ADGRG7: variants seen among roughly 807,000 people sequenced by gnomAD.
ADGRG7 encodes the protein G-protein coupled receptor 128.
A neutral mutation model predicts 88.6 loss-of-function variants in ADGRG7; 82 were observed. The observed-to-expected ratio is 0.93, with a 90% CI of 0.77 to 1.11. The LOEUF (loss-of-function observed/expected upper bound fraction) is 1.11. ADGRG7 is among the 50% of genes most tolerant of loss of function. ADGRG7 has a pLI of 0.00. For missense variants in ADGRG7, 945 were observed against 953.4 expected (o/e 0.99, Z 0.12); for synonymous variants, 381 against 345.2 (o/e 1.10, Z -1.15).
At chr3:100,680,858 AG>A (rs1187742922) in intron 15 of ADGRG7, among the ~76,000 whole-genome samples, 1 of 152,176 alleles carries the variant, frequency 6.6e-6, no homozygotes, top group African/African-American at 2.4e-5. Flanking sequence ...AAATTAAGAG[AG>A]AAGAATTTTT....
At chr3:100,632,070 A>G (rs2149017771) in intron 3 of ADGRG7, among the ~76,000 whole-genome samples, 1 of 152,216 alleles carries the variant, frequency 6.6e-6, no homozygotes, top group African/African-American at 2.4e-5. Flanking sequence ...TCTTGATTTT[A>G]CATGTTTTGT....
chr3:100,665,097 C>T (rs1348343111), intron 14 of ADGRG7: 12 of 511,722 alleles, frequency 2.3e-5, no homozygotes, highest in South Asian at 1.7e-4. Flanking sequence ...TCAGTCAGTT[C>T]TTCCGTATTT....
intron 15 of ADGRG7, among the ~76,000 whole-genome samples, chr3:100,681,343 C>T (rs898850856): frequency 6.7e-6 from 1 of 149,822 alleles, no homozygotes; most frequent in Non-Finnish European, 1.5e-5. Flanking sequence ...CAGGGTCTCA[C>T]TCTGTCACCC....
At chr3:100,632,743 T>A (rs1229336295) in intron 3 of ADGRG7, among the ~76,000 whole-genome samples, 1 of 152,186 alleles carries the variant, frequency 6.6e-6, no homozygotes, top group East Asian at 1.9e-4. Context: ...GATTTTTTTC[T>A]ATAGCAACTA....
chr3:100,633,959 A>T (rs1707493919), intron 4 of ADGRG7, among the ~76,000 whole-genome samples: 1 of 152,186 alleles, frequency 6.6e-6, no homozygotes, highest in Admixed American at 6.5e-5. Context: ...CTGGATATAG[A>T]TCCCTGACAT....
chr3:100,658,557 T>G (rs1424720403), intron 13 of ADGRG7, among the ~76,000 whole-genome samples: 1 of 152,200 alleles, frequency 6.6e-6, no homozygotes, highest in Non-Finnish European at 1.5e-5. Flanking sequence ...AGCCTTTTTT[T>G]CTTTCTTAAG....
chr3:100,614,815 C>A (rs376586130), intron 1 of ADGRG7, among the ~76,000 whole-genome samples: 3 of 152,150 alleles, frequency 2.0e-5, no homozygotes, highest in East Asian at 3.9e-4. Flanking sequence ...TTTTATGCTA[C>A]TTTCTCAAGC....
chr3:100,680,510 C>A (rs538656465), intron 15 of ADGRG7, among the ~76,000 whole-genome samples: 2 of 151,934 alleles, frequency 1.3e-5, no homozygotes, highest in African/African-American at 4.8e-5. Flanking sequence ...TTTCTGTGGC[C>A]ATTCTATTTT....
chr3:100,652,330 A>G (rs899295525), intron 11 of ADGRG7, among the ~76,000 whole-genome samples: 1 of 152,200 alleles, frequency 6.6e-6, no homozygotes, highest in Non-Finnish European at 1.5e-5. Flanking sequence ...TCGTAAAAAC[A>G]TAAAGAATAC....
rs746200827 is a variant in ADGRG7, at chr3:100,659,861, T to C, written c.1979+18T>C. 7 of 1,611,318 alleles carry C rather than the reference T, an allele frequency of 4.3e-6. No individual in the cohort carries two copies. Among genetic ancestry groups the C allele is most frequent in the South Asian group, 2.2e-5 (2 of 90,532 alleles). On this transcript the variant is annotated intron_variant, in intron 14 of 15. Transcript: ENST00000273352. Reference sequence around the variant, plus strand: ...CTGACAAGGTAAGATTCCCAATGAATGGGAAGCTGCCAGGCAAGGCTCATC... The same window carrying C: ...CTGACAAGGTAAGATTCCCAATGAACGGGAAGCTGCCAGGCAAGGCTCATC...
At chr3:100,638,322 G>A (rs1707580617) in intron 6 of ADGRG7, among the ~76,000 whole-genome samples, 1 of 152,160 alleles carries the variant, frequency 6.6e-6, no homozygotes. Flanking sequence ...GAGGGGAGCT[G>A]GAAAGTGGGT....
chr3:100,634,366 G>A (rs1408799766), intron 4 of ADGRG7, among the ~76,000 whole-genome samples: 1 of 152,022 alleles, frequency 6.6e-6, no homozygotes, highest in Non-Finnish European at 1.5e-5. Flanking sequence ...ACTAATTGTT[G>A]AGCACCTACT....
chr3:100,621,089 T>C (rs1379541490), intron 1 of ADGRG7, among the ~76,000 whole-genome samples: 1 of 152,150 alleles, frequency 6.6e-6, no homozygotes, highest in Non-Finnish European at 1.5e-5. Context: ...ACATAATCAA[T>C]AAATGTTGTA....
intron 15 of ADGRG7, among the ~76,000 whole-genome samples, chr3:100,672,105 A>G (rs2094959531): frequency 6.6e-6 from 1 of 152,198 alleles, no homozygotes; most frequent in Non-Finnish European, 1.5e-5. Flanking sequence ...TGTCAATGGT[A>G]GTTTGGTGGG....
chr3:100,691,868 C>T (rs1458505848), intron 15 of ADGRG7, among the ~76,000 whole-genome samples: 1 of 152,064 alleles, frequency 6.6e-6, no homozygotes, highest in Non-Finnish European at 1.5e-5. Flanking sequence ...CTTCTCATCT[C>T]CTCAACTAGA....
intron 15 of ADGRG7, among the ~76,000 whole-genome samples, chr3:100,675,890 G>A (rs1421316668): frequency 1.3e-5 from 2 of 151,898 alleles, no homozygotes; most frequent in Non-Finnish European, 2.9e-5. Flanking sequence ...TAATTTATTG[G>A]CATATAGTTG....
intron 15 of ADGRG7, among the ~76,000 whole-genome samples, chr3:100,671,373 TC>T (rs2094958253): frequency 6.6e-6 from 1 of 152,244 alleles, no homozygotes; most frequent in South Asian, 2.1e-4. Context: ...TCTGTTCATA[TC>T]CTTTGCCCAC....
At chr3:100,642,336 A>G (rs535286257) in intron 6 of ADGRG7, among the ~76,000 whole-genome samples, 1 of 152,354 alleles carries the variant, frequency 6.6e-6, no homozygotes, top group Non-Finnish European at 1.5e-5. Context: ...AAAGGAAAAC[A>G]TTTCAATCAG....
chr3:100,678,624 T>A (rs2094968768), intron 15 of ADGRG7, among the ~76,000 whole-genome samples: 1 of 152,214 alleles, frequency 6.6e-6, no homozygotes, highest in East Asian at 1.9e-4. Context: ...TGTTATAATC[T>A]AAGTCTTTGG....
Sources: gnomAD v4.1 joint callset for allele counts (sites outside exome capture counted in the v4.1 genomes callset) on GRCh38, gnomAD v4.1.1 for gene constraint, MANE v1.5 for transcripts, NCBI Gene and HGNC (gene_info 2026-07-23, HGNC 2026-07-21) for gene names.